The following AP1M1 variants were observed in gnomAD, a reference collection of about 807,000 sequenced individuals.
AP1M1 encodes AP-1 complex subunit mu-1.
Under a neutral mutation model 57.1 loss-of-function variants are expected in AP1M1, and 18 were observed. That is an observed-to-expected ratio of 0.32 (90% CI 0.22 to 0.47). The LOEUF (loss-of-function observed/expected upper bound fraction) is 0.47, where lower values mean the gene tolerates loss of function less well. Ranked by LOEUF, AP1M1 falls within the 20% of genes least tolerant of loss-of-function variation. AP1M1 has a pLI of 1.00. For missense variants in AP1M1, 362 were observed against 593.5 expected, an observed-to-expected ratio of 0.61 and a Z score of 4.05; for synonymous variants, 241 against 237.9, an observed-to-expected ratio of 1.01 and a Z score of -0.12.
chr19:16,221,569 C>T (rs1182207360), intron 5 of AP1M1, among the ~76,000 whole-genome samples: 3 of 152,130 alleles, frequency 2.0e-5, no homozygotes, highest in Admixed American at 2.0e-4. Context: ...TGACTCATTC[C>T]CTTATATCTA....
rs1333071088 is a variant in AP1M1, at chr19:16,227,916, T to C, written c.817-221T>C. ...CCCAGGCAGCCCCCAGAGCAGGCCC[T>C]GGTCATGTTTTCTGCATTTGCCCCA... is the stretch of plus-strand genomic sequence containing the variant. On this transcript the variant is annotated intron_variant, in intron 7 of 11. Transcript: ENST00000291439. This position sits in a 1 kb window ranked among gnomAD's most constrained non-coding sequence, Gnocchi z 6.2. 6.6e-6 allele frequency among the ~76,000 whole-genome samples: 1 copy of C among 152,188 alleles called. No individual in the cohort carries two copies. The highest frequency in any genetic ancestry group is 2.4e-5 in the African/African-American group (1 of 41,458).
chr19:16,205,739 T>TG (rs2091466803), intron 2 of AP1M1, among the ~76,000 whole-genome samples: 1 of 152,210 alleles, frequency 6.6e-6, no homozygotes, highest in Admixed American at 6.5e-5. Context: ...CTGGCTCCTG[T>TG]GGCAGAAGGG....
In AP1M1 at chr19:16,222,869, C is replaced by G. The variant is rs1041757099; in HGVS notation, c.547-3552C>G. On this transcript the variant is annotated intron_variant, in intron 5 of 11. Coordinates refer to ENST00000291439, the MANE Select transcript of AP1M1 (RefSeq NM_032493.4). ...GTTGATTCTTCTTTATCATCTGTTTCTTTGCTGAGACTTTCTATTTTAACA... is the reference window on the plus strand; with the variant it reads ...GTTGATTCTTCTTTATCATCTGTTTGTTTGCTGAGACTTTCTATTTTAACA... 3.3e-5 allele frequency among the ~76,000 whole-genome samples: 5 copies of G among 152,144 alleles called. No homozygotes were observed. In the East Asian group the frequency reaches 5.8e-4, roughly 18 times the overall value.
At chr19:16,214,120 C>T (rs2145124137) in intron 5 of AP1M1, among the ~76,000 whole-genome samples, 1 of 147,516 alleles carries the variant, frequency 6.8e-6, no homozygotes, top group East Asian at 2.0e-4. Flanking sequence ...GTGATCTTGG[C>T]TCACTGCAAC....
chr19:16,203,321 G>A lies in AP1M1; in HGVS notation c.43-138G>A, dbSNP rs1392290718. The A allele has an allele frequency of 1.2e-6, 1 of 829,854 alleles. No homozygotes were observed. The highest frequency in any genetic ancestry group is 2.6e-5 in the East Asian group (1 of 37,746). The allele number at this position is 829,854 out of a possible 1,614,324, so 51.4% of individuals were successfully genotyped here. ...GGGATGGAGATCAGAACGGCCTCAA[G>A]TCCTGCTCTTTTGCGGATAGTGGCC... On this transcript the variant is annotated intron_variant, in intron 1 of 11. Coordinates refer to ENST00000291439, the MANE Select transcript of AP1M1 (RefSeq NM_032493.4). This position sits in a 1 kb window ranked among gnomAD's most constrained non-coding sequence, Gnocchi z 4.6.
In AP1M1 at chr19:16,198,053, G is replaced by A; in HGVS notation, c.27G>A (p.Leu9=). The A allele has an allele frequency of 6.3e-7, 1 of 1,592,928 alleles. No homozygotes were observed. The highest frequency in any genetic ancestry group is 8.5e-7 in the Non-Finnish European group (1 of 1,176,014). MSASAVYV[L]DLKGKVLICR... is the part of the protein sequence containing the mutation. ...TGTCCGCCAGCGCCGTCTACGTGCTGGACCTGAAGGGCAAGGTACTGAGGG... is the reference window on the plus strand; with the variant it reads ...TGTCCGCCAGCGCCGTCTACGTGCTAGACCTGAAGGGCAAGGTACTGAGGG... Residue 9 remains leucine (L), a synonymous_variant, in exon 1 of 12, where the codon CTG becomes CTA. Coordinates refer to ENST00000291439, the MANE Select transcript of AP1M1 (RefSeq NM_032493.4).
rs2091624706 is a variant in AP1M1 at position 16,236,334 on chromosome 19, CTG to C, written c.*1901_*1902del. On this transcript the variant is annotated 3_prime_UTR_variant, in exon 12 of 12. Coordinates refer to ENST00000291439, the MANE Select transcript of AP1M1 (RefSeq NM_032493.4). Reference sequence around the variant, plus strand: ...AGACCTGCAAACCCTCCACTACAGACTGTAGAAATGCAGGAAATGAAGCAGAC... The same window carrying C: ...AGACCTGCAAACCCTCCACTACAGACTAGAAATGCAGGAAATGAAGCAGAC... The C allele has an allele frequency of 6.6e-6, 1 of 152,368 alleles. No individual in the cohort carries two copies. Among genetic ancestry groups the C allele is most frequent in the Non-Finnish European group, 1.5e-5 (1 of 68,076 alleles). The allele number at this position is 152,368 out of a possible 1,614,324, so 9.4% of individuals were successfully genotyped here. A position where few individuals can be genotyped will look rare whatever the true frequency, so the allele number is the denominator to read the frequency against.
intron 5 of AP1M1, among the ~76,000 whole-genome samples, chr19:16,220,969 T>G (rs970838142): frequency 6.6e-6 from 1 of 152,266 alleles, no homozygotes; most frequent in African/African-American, 2.4e-5. Context: ...TTCCAGATTT[T>G]TCTTTGCCTT....
At chr19:16,229,364 C>G (rs1258930828) in intron 9 of AP1M1, among the ~76,000 whole-genome samples, 1 of 152,254 alleles carries the variant, frequency 6.6e-6, no homozygotes. Flanking sequence ...GCCTCCAGAG[C>G]TCCGCACCAG....
At chr19:16,221,176 G>A (rs2091542782) in intron 5 of AP1M1, among the ~76,000 whole-genome samples, 1 of 152,152 alleles carries the variant, frequency 6.6e-6, no homozygotes, top group South Asian at 2.1e-4. Context: ...TGCCCAGTCT[G>A]GAGTGCAATG....
intron 10 of AP1M1, 97 bp from the exon 11 acceptor site, chr19:16,234,102 C>T (rs2091611996): frequency 2.4e-6 from 3 of 1,247,646 alleles, no homozygotes; most frequent in South Asian, 1.5e-5. Context: ...GTCATGGCCT[C>T]CCCTGCCAGC....
chr19:16,212,777 A>G (rs1568350294), intron 5 of AP1M1, among the ~76,000 whole-genome samples: 1 of 152,148 alleles, frequency 6.6e-6, no homozygotes, highest in Non-Finnish European at 1.5e-5. Flanking sequence ...CGTGTCCCAG[A>G]GATTCTGGTC....
rs745678992 is a variant in AP1M1, at chr19:16,234,315, G to T, written c.1249+41G>T. ...CCCGTGGGGTGGGGTTGTACTGAGG[G>T]GTCCTCTGTGGCTGCCCCCAGGGTG... On this transcript the variant is annotated intron_variant, in intron 11 of 11. Transcript: ENST00000291439. 1.9e-6 allele frequency: 3 copies of T among 1,611,192 alleles called. No individual in the cohort carries two copies. In the South Asian group the frequency reaches 3.3e-5, roughly 18 times the overall value.
rs1424578733 is a variant in AP1M1, at chr19:16,236,806, C to T, written c.*2371C>T. 6.6e-6 allele frequency: 1 copy of T among 152,184 alleles called. No individual in the cohort carries two copies. The highest frequency in any genetic ancestry group is 1.5e-5 in the Non-Finnish European group (1 of 68,034). The allele number at this position is 152,184 out of a possible 1,614,324, so 9.4% of individuals were successfully genotyped here. A position where few individuals can be genotyped will look rare whatever the true frequency, so the allele number is the denominator to read the frequency against. On this transcript the variant is annotated 3_prime_UTR_variant, in exon 12 of 12. Transcript: ENST00000291439. Reference sequence around the variant, plus strand: ...ACTTCATGCCTTGTTACCTAAGATCCTCGCACACAATAGACCCTCAACATG... The same window carrying T: ...ACTTCATGCCTTGTTACCTAAGATCTTCGCACACAATAGACCCTCAACATG...
At chr19:16,232,167 T>A (rs1436679908) in intron 9 of AP1M1, among the ~76,000 whole-genome samples, 1 of 152,210 alleles carries the variant, frequency 6.6e-6, no homozygotes, top group Non-Finnish European at 1.5e-5. Context: ...CCTGTGCACC[T>A]TTCTCCCTTG....
In AP1M1 at chr19:16,217,317, G is replaced by T. The variant is rs191479639; in HGVS notation, c.546+8140G>T. On this transcript the variant is annotated intron_variant, in intron 5 of 11. Coordinates refer to ENST00000291439, the MANE Select transcript of AP1M1 (RefSeq NM_032493.4). ...GTGGGAGAGGAGAATGAGGGGCTGG[G>T]GTGCACTTATGCTGGCAACAGTGGC... Among the ~76,000 whole-genome samples the T allele has an allele frequency of 1.9e-3, 295 of 151,942 alleles. 1 individual carries two copies. The highest frequency in any genetic ancestry group is 6.9e-3 in the African/African-American group (286 of 41,418).
chr19:16,208,919 G>A lies in AP1M1; in HGVS notation c.399-111G>A, dbSNP rs1410564452. The A allele has an allele frequency of 3.7e-6, 5 of 1,334,736 alleles. No homozygotes were observed. In the South Asian group the frequency reaches 5.9e-5, roughly 16 times the overall value. The allele number at this position is 1,334,736 out of a possible 1,614,324, so 82.7% of individuals were successfully genotyped here. ...GAAATCCAAGGGCTATTTTCAAGTCGGTCAGAACCTGCCCTGTACCCCCCA... is the reference window on the plus strand; with the variant it reads ...GAAATCCAAGGGCTATTTTCAAGTCAGTCAGAACCTGCCCTGTACCCCCCA... On this transcript the variant is annotated intron_variant, in intron 4 of 11. Coordinates refer to ENST00000291439, the MANE Select transcript of AP1M1 (RefSeq NM_032493.4).
chr19:16,205,636 G>A (rs559043365), intron 2 of AP1M1, among the ~76,000 whole-genome samples: 4 of 152,170 alleles, frequency 2.6e-5, no homozygotes, highest in Non-Finnish European at 5.9e-5. Context: ...TGGGCCTACA[G>A]AGGAAGAACC....
chr19:16,212,942 G>A (rs535925428), intron 5 of AP1M1, among the ~76,000 whole-genome samples: 1 of 152,240 alleles, frequency 6.6e-6, no homozygotes, highest in East Asian at 1.9e-4. Flanking sequence ...TATTTTTATT[G>A]ATTTGTGGTC....
Sources: allele counts gnomAD v4.1 joint callset (sites outside exome capture counted in the v4.1 genomes callset), GRCh38; gene constraint gnomAD v4.1.1; non-coding constraint Gnocchi (gnomAD v3.1); transcripts MANE v1.5; gene names NCBI Gene and HGNC (gene_info 2026-07-23, HGNC 2026-07-21).